The following RSPH14 variants were observed in gnomAD, a reference collection of about 807,000 sequenced individuals.
The protein encoded by RSPH14 is radial spoke head 14 homolog, also known as rhabdoid tumor deletion region gene 1.
RSPH14 carries 20 observed loss-of-function variants against 26.7 expected under a neutral mutation model. The ratio of observed to expected loss-of-function variants is 0.75; its 90% CI spans 0.53 to 1.09. RSPH14 has a LOEUF of 1.09. Ranked by LOEUF, RSPH14 falls within the 50% of genes least tolerant of loss-of-function variation. The pLI is 0.00. For missense variants in RSPH14, 449 were observed against 457.2 expected, an observed-to-expected ratio of 0.98 and a Z score of 0.16; for synonymous variants, 177 against 189.3, an observed-to-expected ratio of 0.93 and a Z score of 0.53.
chr22:23,103,631 A>T (rs758880883), intron 4 of RSPH14, among the ~76,000 whole-genome samples: 1 of 151,662 alleles, frequency 6.6e-6, no homozygotes, highest in Non-Finnish European at 1.5e-5. Flanking sequence ...CACAGAGAGC[A>T]ACCTTGCATT....
At chr22:23,156,284 C>T in the RSPH14 span, 1 of 425,902 alleles carries the variant, frequency 2.3e-6, no homozygotes, top group African/African-American at 2.1e-5. Context: ...GCCCCAGTTT[C>T]AGCTCATAAA....
intron 4 of RSPH14, among the ~76,000 whole-genome samples, chr22:23,074,297 G>C (rs1364542986): frequency 6.6e-6 from 1 of 152,238 alleles, no homozygotes; most frequent in Non-Finnish European, 1.5e-5. Context: ...AGGCAGAGAG[G>C]CTGCTGACCC....
At chr22:23,142,004 A>AGTTGCCAGGCGACATC (rs1040284280), upstream of RSPH14, 9 of 985,032 alleles carry the variant, frequency 9.1e-6, no homozygotes, top group African/African-American at 3.5e-5. Context: ...CAACCTATTC[A>AGTTGCCAGGCGACATC]GTTGCCAGGC....
chr22:23,176,145 T>G, the RSPH14 span, among the ~76,000 whole-genome samples: 1 of 152,224 alleles, frequency 6.6e-6, no homozygotes, highest in African/African-American at 2.4e-5. Flanking sequence ...TGCCTGCTCA[T>G]GGATGGGCTA....
At chr22:23,142,233 T>C (rs2070618911), upstream of RSPH14, 1 of 154,324 alleles carries the variant, frequency 6.5e-6, no homozygotes, top group African/African-American at 2.4e-5. Context: ...ACTGGGTACT[T>C]TGCATGCCTC....
At chr22:23,109,405 C>T (rs938269403) in intron 4 of RSPH14, among the ~76,000 whole-genome samples, 3 of 152,176 alleles carry the variant, frequency 2.0e-5, no homozygotes, top group Admixed American at 2.0e-4. Flanking sequence ...TGCTGCTCCT[C>T]TCAGGTCTTT....
intron 4 of RSPH14, among the ~76,000 whole-genome samples, chr22:23,098,260 C>A (rs989440246): frequency 3.9e-5 from 6 of 152,240 alleles, no homozygotes; most frequent in African/African-American, 1.4e-4. Context: ...ATCCCTGCCT[C>A]TCGTACCCCT....
At chr22:23,070,316 G>C (rs1369253583) in intron 4 of RSPH14, 1 of 145,576 alleles carries the variant, frequency 6.9e-6, no homozygotes, top group Non-Finnish European at 1.5e-5. Flanking sequence ...GCCCCCTGCC[G>C]GCGGCGGCGC....
In RSPH14 at chr22:23,072,897, C is replaced by T. The variant is rs149550759; in HGVS notation, c.422-8764G>A. On this transcript the variant is annotated intron_variant, in intron 4 of 6. Transcript: ENST00000216036. ...GTATGGGTGGGGTCTCAGTCTGGCCCTCAGGAGCTTCTAGAACAATTCCAG... is the reference window on the plus strand; with the variant it reads ...GTATGGGTGGGGTCTCAGTCTGGCCTTCAGGAGCTTCTAGAACAATTCCAG... Among the ~76,000 whole-genome samples the T allele has an allele frequency of 7.5e-3, 1,144 of 152,326 alleles. 9 individuals are homozygous for T. Among genetic ancestry groups the T allele is most frequent in the African/African-American group, 0.025 (1,035 of 41,576 alleles).
chr22:23,072,599 A>G (rs1345526022), intron 4 of RSPH14, among the ~76,000 whole-genome samples: 1 of 152,154 alleles, frequency 6.6e-6, no homozygotes. Context: ...CACCCAACAC[A>G]CACTTGGCTT....
chr22:23,163,941 C>A, the RSPH14 span: 1 of 152,406 alleles, frequency 6.6e-6, no homozygotes, highest in South Asian at 2.1e-4. Context: ...TCATTTGACC[C>A]TCCCCATCCG....
chr22:23,161,744 G>A, the RSPH14 span: 1 of 592,624 alleles, frequency 1.7e-6, no homozygotes. Context: ...CTTGTCCGTT[G>A]CAGGTTGGGC....
intron 4 of RSPH14, among the ~76,000 whole-genome samples, chr22:23,130,159 G>GAA (rs901029431): frequency 1.8e-4 from 23 of 131,390 alleles, no homozygotes; most frequent in African/African-American, 5.6e-4. Context: ...AAGAAAGAAA[G>GAA]AAAAAGAAAA....
chr22:23,125,273 TG>T (rs2070152603), intron 4 of RSPH14, among the ~76,000 whole-genome samples: 1 of 152,002 alleles, frequency 6.6e-6, no homozygotes, highest in African/African-American at 2.4e-5. Context: ...TGTGGAGGTC[TG>T]GGGGTGATGA....
At chr22:23,161,120 G>T in the RSPH14 span, 4 of 1,265,584 alleles carry the variant, frequency 3.2e-6, no homozygotes, top group South Asian at 6.0e-5. Flanking sequence ...CCTGTCCTTT[G>T]ACCCTCCTCT....
chr22:23,159,003 C>T, the RSPH14 span: 1 of 1,611,160 alleles, frequency 6.2e-7, no homozygotes, highest in South Asian at 1.1e-5. Context: ...CACTGGTGGT[C>T]TGGGTGGCCC....
intron 1 of RSPH14, among the ~76,000 whole-genome samples, 169 bp downstream of exon 1, chr22:23,141,780 T>C (rs2070606239): frequency 6.6e-6 from 1 of 152,126 alleles, no homozygotes; most frequent in Non-Finnish European, 1.5e-5. Flanking sequence ...GAACGGTGGG[T>C]GCTGGAGACA....
At chr22:23,159,346 C>A in the RSPH14 span, 1 of 1,246,868 alleles carries the variant, frequency 8.0e-7, no homozygotes, top group Non-Finnish European at 1.1e-6. Flanking sequence ...CCTCTGTAGC[C>A]AGTCGTCTGT....
chr22:23,156,068 C>T, the RSPH14 span: 1 of 1,576,338 alleles, frequency 6.3e-7, no homozygotes, highest in Non-Finnish European at 8.7e-7. Context: ...CAACTGCATG[C>T]AGCAGCGGGG....
Sources: gnomAD v4.1 joint callset for allele counts (sites outside exome capture counted in the v4.1 genomes callset) on GRCh38, gnomAD v4.1.1 for gene constraint, MANE v1.5 for transcripts, NCBI Gene and HGNC (gene_info 2026-07-23, HGNC 2026-07-21) for gene names.